CNTLN: variants seen among roughly 807,000 people sequenced by gnomAD.
CNTLN encodes the protein centlein, also known as centlein, centrosomal protein.
A neutral mutation model predicts 180.0 loss-of-function variants in CNTLN; 212 were observed. The observed-to-expected ratio is 1.18, with a 90% CI of 1.05 to 1.32. The LOEUF is 1.32. Among genes scored for constraint, CNTLN ranks in the 40% most tolerant of loss-of-function variants. The pLI is 0.00. For synonymous variants in CNTLN, 722 were observed against 563.1 expected (o/e 1.28, Z -3.99); for missense variants, 2,095 against 1,610.9 (o/e 1.30, Z -5.14).
chr9:17,321,595 T>C (rs1819916787), intron 8 of CNTLN, among the ~76,000 whole-genome samples: 1 of 152,182 alleles, frequency 6.6e-6, no homozygotes, highest in Non-Finnish European at 1.5e-5. Context: ...AAAATGTCAG[T>C]AGTAGTTAGC....
At chr9:17,318,523 G>C (rs1434244603) in intron 8 of CNTLN, among the ~76,000 whole-genome samples, 1 of 152,154 alleles carries the variant, frequency 6.6e-6, no homozygotes, top group Non-Finnish European at 1.5e-5. Flanking sequence ...CATAAACTTT[G>C]ATATTGACTT....
chr9:17,271,565 T>C (rs1827947683), intron 5 of CNTLN, among the ~76,000 whole-genome samples: 1 of 152,198 alleles, frequency 6.6e-6, no homozygotes, highest in Non-Finnish European at 1.5e-5. Context: ...ACATATATTA[T>C]ATCCACCAGA....
chr9:17,249,739 G>A (rs976299899), intron 5 of CNTLN, among the ~76,000 whole-genome samples: 2 of 151,638 alleles, frequency 1.3e-5, no homozygotes, highest in African/African-American at 4.8e-5. Flanking sequence ...ATTTAGAGAA[G>A]ATCCTTTGTG....
chr9:17,194,936 C>T (rs889407346), intron 2 of CNTLN, among the ~76,000 whole-genome samples: 6 of 152,038 alleles, frequency 3.9e-5, no homozygotes, highest in Non-Finnish European at 5.9e-5. Context: ...AAGCGGAAAC[C>T]CCTGATAAAA....
At chr9:17,424,049 T>G (rs551086324) in intron 18 of CNTLN, among the ~76,000 whole-genome samples, 2 of 152,334 alleles carry the variant, frequency 1.3e-5, no homozygotes, top group South Asian at 4.1e-4. Context: ...TTGAATTTGA[T>G]GCTTCTGAGG....
intron 2 of CNTLN, among the ~76,000 whole-genome samples, chr9:17,222,993 A>C (rs1012075211): frequency 1.1e-4 from 16 of 151,986 alleles, no homozygotes; most frequent in Non-Finnish European, 2.4e-4. Context: ...TGCCTTATCC[A>C]TGGGGGATAC....
At chr9:17,141,416 A>G (rs78463321) in intron 1 of CNTLN, among the ~76,000 whole-genome samples, 7,407 of 152,222 alleles carry the variant, frequency 0.049, 222 homozygotes, top group East Asian at 0.17. Context: ...GGAATACTCT[A>G]TGTGAAAGTG....
At chr9:17,301,567 GC>G in intron 7 of CNTLN, 1 of 984,656 alleles carries the variant, frequency 1.0e-6, no homozygotes, top group Non-Finnish European at 1.2e-6. Context: ...GGAGTAGGGG[GC>G]TTCACTGATA....
At chr9:17,457,750 A>G (rs771663877) in intron 19 of CNTLN, 35 bp downstream of exon 19, 2 of 1,246,102 alleles carry the variant, frequency 1.6e-6, no homozygotes, top group Non-Finnish European at 1.1e-6. Flanking sequence ...GAAAACATAC[A>G]TTATGCTTGA....
chr9:17,412,059 A>G (rs187009421), intron 16 of CNTLN, among the ~76,000 whole-genome samples: 205 of 151,650 alleles, frequency 1.4e-3, no homozygotes, highest in African/African-American at 4.5e-3. Context: ...CCAGTGGGGA[A>G]CATTAACTAA....
At chr9:17,434,600 C>T (rs1829647341) in intron 18 of CNTLN, among the ~76,000 whole-genome samples, 1 of 151,856 alleles carries the variant, frequency 6.6e-6, no homozygotes, top group South Asian at 2.1e-4. Flanking sequence ...TGTATATTTC[C>T]AAATTTGTTG....
chr9:17,260,468 C>G (rs200828745), intron 5 of CNTLN, among the ~76,000 whole-genome samples: 1 of 151,154 alleles, frequency 6.6e-6, no homozygotes, highest in African/African-American at 2.5e-5. Flanking sequence ...CTTCTTTTGA[C>G]AAGTGTCTGT....
At chr9:17,375,501 A>G (rs769591471) in intron 13 of CNTLN, among the ~76,000 whole-genome samples, 1 of 152,162 alleles carries the variant, frequency 6.6e-6, no homozygotes, top group Non-Finnish European at 1.5e-5. Flanking sequence ...TACCCTGTAG[A>G]TACATCTACT....
At chr9:17,305,677 T>A (rs1445561508) in intron 7 of CNTLN, among the ~76,000 whole-genome samples, 1 of 152,160 alleles carries the variant, frequency 6.6e-6, no homozygotes, top group African/African-American at 2.4e-5. Context: ...AAAAACACTT[T>A]AGAAATAAAG....
At chr9:17,158,531 A>G (rs1489658283) in intron 2 of CNTLN, among the ~76,000 whole-genome samples, 1 of 151,916 alleles carries the variant, frequency 6.6e-6, no homozygotes, top group Non-Finnish European at 1.5e-5. Flanking sequence ...GGGTAATTTT[A>G]TAGTTATGAG....
intron 18 of CNTLN, chr9:17,447,714 C>G (rs1830527165): frequency 6.5e-6 from 1 of 154,608 alleles, no homozygotes; most frequent in African/African-American, 2.4e-5. Context: ...TTCAGCAAAA[C>G]ACATTTTCTT....
chr9:17,501,080 A>G (rs1003636769), intron 25 of CNTLN, among the ~76,000 whole-genome samples: 4 of 152,130 alleles, frequency 2.6e-5, no homozygotes, highest in African/African-American at 9.7e-5. Flanking sequence ...GTGCAATATG[A>G]GTGTGTTTGA....
At chr9:17,271,198 C>T (rs1032685255) in intron 5 of CNTLN, among the ~76,000 whole-genome samples, 19 of 152,100 alleles carry the variant, frequency 1.2e-4, no homozygotes, top group East Asian at 9.6e-4. Flanking sequence ...ACCTCAGCCT[C>T]CCAAAGTGCT....
chr9:17,289,767 C>G (rs1332987013), intron 6 of CNTLN, among the ~76,000 whole-genome samples: 5 of 143,924 alleles, frequency 3.5e-5, no homozygotes, highest in Non-Finnish European at 6.0e-5. Context: ...TTTCATCTTC[C>G]ATTGCTGATA....
Sources: gnomAD v4.1 joint callset for allele counts (sites outside exome capture counted in the v4.1 genomes callset) on GRCh38, gnomAD v4.1.1 for gene constraint, MANE v1.5 for transcripts, NCBI Gene and HGNC (gene_info 2026-07-23, HGNC 2026-07-21) for gene names.